The following PPP1R12B variants were observed in gnomAD, a reference collection of about 807,000 sequenced individuals.
PPP1R12B encodes myosin phosphatase target subunit 2.
Under a neutral mutation model 126.1 loss-of-function variants are expected in PPP1R12B, and 76 were observed. That is an observed-to-expected ratio of 0.60 (90% confidence interval 0.50 to 0.73). The LOEUF is 0.73. Ranked by LOEUF, PPP1R12B falls within the 30% of genes least tolerant of loss-of-function variation. The probability of loss-of-function intolerance (pLI) is 0.00; values close to 1 mark genes in which losing one functional copy is unlikely to be tolerated. For synonymous variants in PPP1R12B, 356 were observed against 434.7 expected, an observed-to-expected ratio of 0.82 and a Z score of 2.25; for missense variants, 1,052 against 1,205.1, an observed-to-expected ratio of 0.87 and a Z score of 1.88.
intron 1 of PPP1R12B, among the ~76,000 whole-genome samples, chr1:202,368,220 C>G (rs1659622815): frequency 6.6e-6 from 1 of 152,108 alleles, no homozygotes; most frequent in Admixed American, 6.6e-5. Flanking sequence ...ATCTGCCTCC[C>G]TCGGCCTCCC....
At chr1:202,514,734 G>A (rs1438666339) in intron 18 of PPP1R12B, among the ~76,000 whole-genome samples, 1 of 152,168 alleles carries the variant, frequency 6.6e-6, no homozygotes, top group Non-Finnish European at 1.5e-5. Flanking sequence ...TCAGATGGTT[G>A]TAGGTGTGCA....
At chr1:202,413,596 G>T (rs1158535683) in intron 1 of PPP1R12B, among the ~76,000 whole-genome samples, 4 of 152,034 alleles carry the variant, frequency 2.6e-5, no homozygotes, top group Non-Finnish European at 2.9e-5. Context: ...GACTTTGTTT[G>T]TATTGATTAT....
rs1381313781 is a variant in PPP1R12B, at chr1:202,582,527, A to C, written c.*1967A>C. The C allele has an allele frequency of 6.6e-6, 1 of 152,632 alleles. No homozygotes were observed. Among genetic ancestry groups the C allele is most frequent in the Admixed American group, 6.5e-5 (1 of 15,270 alleles). The allele number at this position is 152,632 out of a possible 1,614,324, so 9.5% of individuals were successfully genotyped here. On this transcript the variant is annotated 3_prime_UTR_variant, in exon 24 of 24. Coordinates refer to ENST00000608999, the MANE Select transcript of PPP1R12B (RefSeq NM_002481.4). ...TCTGTTAATTCTTTCCTAACATGAC[A>C]TGTAGCTCTCCATGGTCCTCCCTCT...
chr1:202,351,729 T>C (rs1336897347), intron 1 of PPP1R12B, among the ~76,000 whole-genome samples: 2 of 152,234 alleles, frequency 1.3e-5, no homozygotes, highest in Non-Finnish European at 2.9e-5. Flanking sequence ...TCTGGATAAT[T>C]GCTTCTTTTC....
intron 15 of PPP1R12B, 85 bp downstream of exon 15, chr1:202,493,402 C>T (rs1679150441): frequency 2.2e-6 from 3 of 1,383,148 alleles, no homozygotes; most frequent in Admixed American, 2.2e-5. Context: ...AGTTCAAAGG[C>T]TGTGTTCTAC....
chr1:202,449,039 A>G lies in PPP1R12B; in HGVS notation c.1718A>G (p.Asn573Ser), dbSNP rs749927722. ...ADTTAEKTAD[N>S]VSSSTPLCVI... ...ACAACAGCAGAGAAAACAGCAGACA[A>G]TGTCTCTTCTAGCACCCCGCTCTGT... Residue 573 changes from asparagine (N) to serine (S), a missense_variant, in exon 13 of 24, where the codon AAT becomes AGT. Physicochemically the swap from Asn to Ser is conservative, Grantham distance 46. Coordinates refer to ENST00000608999, the MANE Select transcript of PPP1R12B (RefSeq NM_002481.4). 15 of 1,613,844 alleles carry G rather than the reference A, an allele frequency of 9.3e-6. No individual in the cohort carries two copies. Among genetic ancestry groups the G allele is most frequent in the East Asian group, 4.5e-5 (2 of 44,856 alleles).
At chr1:202,474,162 C>T (rs1455034708) in intron 13 of PPP1R12B, among the ~76,000 whole-genome samples, 1 of 152,126 alleles carries the variant, frequency 6.6e-6, no homozygotes, top group Non-Finnish European at 1.5e-5. Context: ...TATCGTACTA[C>T]TTAAAGTACC....
intron 21 of PPP1R12B, among the ~76,000 whole-genome samples, chr1:202,566,873 T>A (rs1321932175): frequency 6.6e-6 from 1 of 152,200 alleles, no homozygotes; most frequent in Non-Finnish European, 1.5e-5. Flanking sequence ...AAATGTTGTC[T>A]CTGCATGACA....
rs750260345 is a variant in PPP1R12B at position 202,438,043 on chromosome 1, T to TG, written c.1458+24dup. On this transcript the variant is annotated intron_variant, in intron 10 of 23. Coordinates refer to ENST00000608999, the MANE Select transcript of PPP1R12B (RefSeq NM_002481.4). ...AGATAAGGTGCAGTTTGGGAGGGTA[T>TG]GGGGGAATTCCAAGGCAGTTTTTTT... 1 of 1,612,532 alleles carries TG rather than the reference T, an allele frequency of 6.2e-7. No homozygotes were observed. Among genetic ancestry groups the TG allele is most frequent in the African/African-American group, 1.3e-5 (1 of 74,950 alleles).
chr1:202,472,135 T>C, intron 13 of PPP1R12B: 1 of 1,364,752 alleles, frequency 7.3e-7, no homozygotes, highest in Non-Finnish European at 9.9e-7. Flanking sequence ...TGTGCGTAGG[T>C]CATCACCGCC....
intron 2 of PPP1R12B, among the ~76,000 whole-genome samples, chr1:202,421,594 C>T (rs1269523927): frequency 6.6e-6 from 1 of 150,428 alleles, no homozygotes; most frequent in African/African-American, 2.4e-5. Flanking sequence ...GAGCCGAGAT[C>T]GCACCATTGC....
At chr1:202,549,098 G>A (rs1463560638) in intron 18 of PPP1R12B, among the ~76,000 whole-genome samples, 5 of 152,128 alleles carry the variant, frequency 3.3e-5, no homozygotes, top group African/African-American at 4.8e-5. Flanking sequence ...TTGGGGGTAT[G>A]AAAGTGGAAG....
intron 1 of PPP1R12B, among the ~76,000 whole-genome samples, chr1:202,386,532 C>T (rs1389293146): frequency 1.3e-5 from 2 of 151,558 alleles, no homozygotes; most frequent in Admixed American, 6.6e-5. Context: ...GGTGTTTCAC[C>T]GGGGTCTCGA....
intron 5 of PPP1R12B, 76 bp from the exon 6 acceptor site, chr1:202,428,779 A>G: frequency 3.6e-6 from 5 of 1,398,578 alleles, no homozygotes; most frequent in Non-Finnish European, 4.9e-6. Context: ...TGACTTTTGA[A>G]TAGTTCCCTA....
At chr1:202,433,347 G>A (rs528015223) in intron 8 of PPP1R12B, among the ~76,000 whole-genome samples, 94 of 152,206 alleles carry the variant, frequency 6.2e-4, no homozygotes, top group African/African-American at 2.1e-3. Flanking sequence ...GTACCCTTGC[G>A]TCAGATCTCT....
At chr1:202,580,132 G>T (rs1689458780) in intron 23 of PPP1R12B, among the ~76,000 whole-genome samples, 1 of 152,154 alleles carries the variant, frequency 6.6e-6, no homozygotes, top group Non-Finnish European at 1.5e-5. Context: ...TTCTTTAGGG[G>T]TGAGTTTAAG....
chr1:202,429,136 A>C (rs1669904257), intron 6 of PPP1R12B, among the ~76,000 whole-genome samples: 1 of 152,214 alleles, frequency 6.6e-6, no homozygotes, highest in Non-Finnish European at 1.5e-5. Context: ...TTTTTTGCTC[A>C]TTATAAGATA....
At chr1:202,453,707 CT>C (rs60983248) in intron 13 of PPP1R12B, among the ~76,000 whole-genome samples, 68,980 of 145,718 alleles carry the variant, frequency 0.47, 16,545 homozygotes, top group East Asian at 0.68. Flanking sequence ...TATAAAGACA[CT>C]TTTTTTTTTT....
intron 1 of PPP1R12B, among the ~76,000 whole-genome samples, chr1:202,349,609 G>A (rs1296622109): frequency 6.6e-6 from 1 of 152,116 alleles, no homozygotes; most frequent in Non-Finnish European, 1.5e-5. Context: ...AGACAAGCAG[G>A]TCTGAAACCA....
Sources: allele counts gnomAD v4.1 joint callset (sites outside exome capture counted in the v4.1 genomes callset), GRCh38; gene constraint gnomAD v4.1.1; transcripts MANE v1.5; gene names NCBI Gene and HGNC (gene_info 2026-07-23, HGNC 2026-07-21).